The following VWA3B variants were observed in gnomAD, a reference collection of about 807,000 sequenced individuals.
VWA3B encodes von Willebrand factor A domain containing 3B, also known as von Willebrand factor A domain-containing protein 3B.
Under a neutral mutation model 158.3 loss-of-function variants are expected in VWA3B, and 138 were observed. The observed-to-expected ratio is 0.87, with a 90% CI of 0.76 to 1.00. The LOEUF is 1.00. Ranked by LOEUF, VWA3B falls within the 50% of genes least tolerant of loss-of-function variation. The probability of loss-of-function intolerance (pLI) is 0.00; values close to 1 mark genes in which losing one functional copy is unlikely to be tolerated. For synonymous variants in VWA3B, 596 were observed against 587.3 expected (o/e 1.01, Z -0.21); for missense variants, 1,555 against 1,565.1 (o/e 0.99, Z 0.11).
chr2:98,219,847 G>T (rs1684341684), intron 14 of VWA3B, among the ~76,000 whole-genome samples: 1 of 152,076 alleles, frequency 6.6e-6, no homozygotes, highest in African/African-American at 2.4e-5. Flanking sequence ...TTCAAAGCAG[G>T]ATATAAAATA....
intron 13 of VWA3B, chr2:98,216,675 C>G (rs1684015442): frequency 1.7e-5 from 8 of 470,246 alleles, no homozygotes; most frequent in South Asian, 1.2e-4. Context: ...CTCAGGTGTG[C>G]TGCTTGGCCT....
the VWA3B span, among the ~76,000 whole-genome samples, chr2:98,321,479 G>A: frequency 6.6e-6 from 1 of 152,236 alleles, no homozygotes; most frequent in Non-Finnish European, 1.5e-5. Context: ...AAATGGGGCT[G>A]TACTCTGAAA....
downstream of VWA3B, among the ~76,000 whole-genome samples, chr2:98,313,704 A>G (rs552549459): frequency 1.1e-4 from 16 of 152,354 alleles, no homozygotes; most frequent in East Asian, 9.6e-4. Context: ...GAAGGTGGTT[A>G]TCTTCCCTCT....
intron 23 of VWA3B, among the ~76,000 whole-genome samples, chr2:98,292,505 T>C (rs1317999374): frequency 6.6e-6 from 1 of 152,120 alleles, no homozygotes; most frequent in Non-Finnish European, 1.5e-5. Flanking sequence ...TCGCATAGGC[T>C]AAGGCATGAC....
chr2:98,300,692 T>G (rs1690122134), intron 25 of VWA3B, among the ~76,000 whole-genome samples: 1 of 152,028 alleles, frequency 6.6e-6, no homozygotes, highest in Non-Finnish European at 1.5e-5. Flanking sequence ...TCTGGACACC[T>G]CCTCTGTGCC....
intron 7 of VWA3B, among the ~76,000 whole-genome samples, chr2:98,144,534 G>A (rs1315545054): frequency 1.3e-5 from 2 of 151,066 alleles, no homozygotes; most frequent in African/African-American, 4.9e-5. Flanking sequence ...TCCATTCAAG[G>A]AATAATGGTG....
intron 12 of VWA3B, among the ~76,000 whole-genome samples, chr2:98,205,735 CA>C (rs1682963592): frequency 6.6e-6 from 1 of 152,134 alleles, no homozygotes; most frequent in Non-Finnish European, 1.5e-5. Flanking sequence ...AATTTTCATT[CA>C]GTACTATTTA....
At chr2:98,291,753 TG>T (rs1689505893) in intron 23 of VWA3B, 1 of 152,262 alleles carries the variant, frequency 6.6e-6, no homozygotes, top group South Asian at 2.1e-4. Context: ...GAGATGTGTC[TG>T]CAACATGATG....
At chr2:98,273,678 G>A (rs1423753586) in intron 22 of VWA3B, among the ~76,000 whole-genome samples, 6 of 152,074 alleles carry the variant, frequency 3.9e-5, no homozygotes, top group African/African-American at 1.2e-4. Flanking sequence ...AGCACTATTC[G>A]AAGCACTGGG....
At chr2:98,297,848 G>C in intron 23 of VWA3B, 59 bp from the exon 24 acceptor site, 2 of 1,436,932 alleles carry the variant, frequency 1.4e-6, no homozygotes, top group East Asian at 2.6e-5. Flanking sequence ...GATGGCACAA[G>C]CCTAAGGGAA....
At chr2:98,298,433 TATTCTATTCTATGCC>T (rs1452101826) in intron 24 of VWA3B, among the ~76,000 whole-genome samples, 52 of 130,628 alleles carry the variant, frequency 4.0e-4, no homozygotes, top group Non-Finnish European at 7.3e-4. Context: ...TATTCTATTC[TATTCTATTCTATGCC>T]ATGCCATGCC....
chr2:98,326,431 G>T, the VWA3B span, among the ~76,000 whole-genome samples: 1 of 152,214 alleles, frequency 6.6e-6, no homozygotes, highest in South Asian at 2.1e-4. Context: ...TCCAGGCCCA[G>T]ATGGTTTAGC....
At chr2:98,222,288 G>C (rs754617787) in intron 14 of VWA3B, among the ~76,000 whole-genome samples, 4 of 152,190 alleles carry the variant, frequency 2.6e-5, no homozygotes, top group Non-Finnish European at 4.4e-5. Context: ...AGCTCACCTT[G>C]ACAAAAATAG....
intron 16 of VWA3B, among the ~76,000 whole-genome samples, chr2:98,233,755 G>A (rs1350264397): frequency 3.3e-5 from 5 of 152,172 alleles, no homozygotes; most frequent in African/African-American, 1.2e-4. Flanking sequence ...CTAATTTCTT[G>A]TAGGAGAGGG....
At chr2:98,109,256 T>C (rs1673943619) in intron 2 of VWA3B, among the ~76,000 whole-genome samples, 1 of 152,266 alleles carries the variant, frequency 6.6e-6, no homozygotes, top group Admixed American at 6.5e-5. Context: ...CCTCCCAAAG[T>C]GCTGGGATTA....
intron 13 of VWA3B, chr2:98,217,000 C>T (rs1684080617): frequency 1.6e-6 from 2 of 1,275,166 alleles, no homozygotes; most frequent in Non-Finnish European, 2.0e-6. Flanking sequence ...CGCACCCAGT[C>T]TCAGGTGGTC....
intron 21 of VWA3B, among the ~76,000 whole-genome samples, chr2:98,259,597 T>G (rs1687358852): frequency 6.6e-6 from 1 of 151,800 alleles, no homozygotes; most frequent in African/African-American, 2.4e-5. Context: ...GTGCCTGCTT[T>G]CACTTCTGAT....
chr2:98,115,060 C>G (rs569278387), intron 2 of VWA3B, among the ~76,000 whole-genome samples: 1 of 151,082 alleles, frequency 6.6e-6, no homozygotes, highest in Non-Finnish European at 1.5e-5. Context: ...TTTTAAAAAC[C>G]CTGAAAACCA....
intron 25 of VWA3B, among the ~76,000 whole-genome samples, chr2:98,303,438 G>A (rs1362295324): frequency 6.6e-6 from 1 of 151,960 alleles, no homozygotes; most frequent in Non-Finnish European, 1.5e-5. Context: ...GTGTGTGTGT[G>A]TGTGTGTGTG....
Sources: gnomAD v4.1 joint callset for allele counts (sites outside exome capture counted in the v4.1 genomes callset) on GRCh38, gnomAD v4.1.1 for gene constraint, MANE v1.5 for transcripts, NCBI Gene and HGNC (gene_info 2026-07-23, HGNC 2026-07-21) for gene names.